Variants in DISP2 observed in about 807,000 individuals in gnomAD.
DISP2 encodes the protein dispatched RND transporter family member 2, also known as protein dispatched homolog 2.
A neutral mutation model predicts 95.5 loss-of-function variants in DISP2; 59 were observed. The observed-to-expected ratio is 0.62, with a 90% confidence interval of 0.50 to 0.77. The LOEUF (loss-of-function observed/expected upper bound fraction) is 0.77, where lower values mean the gene tolerates loss of function less well. Among genes scored for constraint, DISP2 ranks in the 30% least tolerant of loss-of-function variants. DISP2 has a pLI of 0.00. For missense variants in DISP2, 1,752 were observed against 1,854.6 expected, an observed-to-expected ratio of 0.94 and a Z score of 1.02; for synonymous variants, 827 against 815.0, an observed-to-expected ratio of 1.01 and a Z score of -0.25.
intron 4 of DISP2, 80 bp from the exon 5 acceptor site, chr15:40,364,758 C>T (rs1385771347): frequency 1.4e-6 from 2 of 1,463,822 alleles, no homozygotes; most frequent in East Asian, 4.7e-5. Context: ...TCTGAGGAGT[C>T]AAAGGGGCAG....
rs1164531610 is a variant in DISP2 at position 40,369,666 on chromosome 15, T to C, written c.3554T>C (p.Leu1185Pro). The change falls in exon 8 of 8, where the codon CTG becomes CCG. Residue 1185 changes from leucine (L) to proline (P), a missense_variant. Leu to Pro is a moderately conservative substitution (Grantham distance 98, BLOSUM62 -3). Transcript: ENST00000267889. ...GACACCAGCACAGCCACCAGCAAGC[T>C]GTCCCACCGGCCCTCAGTACTCTCT... is the stretch of plus-strand genomic sequence containing the variant. ...SFDTSTATSK[L>P]SHRPSVLSED... The C allele has an allele frequency of 1.2e-6, 2 of 1,612,090 alleles. No individual in the cohort carries two copies. The highest frequency in any genetic ancestry group is 2.2e-5 in the East Asian group (1 of 44,882).
At position 40,369,929 on chromosome 15, in the gene DISP2, G is replaced by A. The variant is rs1323647080; in HGVS notation, c.3817G>A (p.Ala1273Thr). 5.6e-6 allele frequency: 9 copies of A among 1,596,986 alleles called. 1 individual carries two copies. The South Asian group carries it at 1.0e-4, about 18-fold the overall frequency. The change falls in exon 8 of 8, where the codon GCC (alanine) becomes ACC (threonine). Residue 1273 changes from alanine to threonine, a missense_variant. Around this residue, in one of 5 missense-constraint regions of DISP2, gnomAD observed 347 missense variants for 344.2 expected, o/e 1.01. Coordinates refer to ENST00000267889, the MANE Select transcript of DISP2 (RefSeq NM_033510.3). Reference protein sequence around the residue: ...SPEAPAHSPKAKAADPPDGFC... With the variant: ...SPEAPAHSPKTKAADPPDGFC... Reference sequence around the variant, plus strand: ...AGAAGCCCCAGCCCACTCTCCTAAGGCCAAGGCTGCAGATCCTCCTGATGG... The same window carrying A: ...AGAAGCCCCAGCCCACTCTCCTAAGACCAAGGCTGCAGATCCTCCTGATGG...
chr15:40,364,571 T>G (rs966012604), intron 4 of DISP2, 27 bp downstream of exon 4: 6 of 1,608,128 alleles, frequency 3.7e-6, no homozygotes, highest in Non-Finnish European at 3.4e-6. Context: ...TGGGACGGGG[T>G]CCCCAGGCCT....
At chr15:40,364,112 G>T (rs1889453458) in intron 2 of DISP2, 114 bp from the exon 3 acceptor site, 1 of 1,544,078 alleles carries the variant, frequency 6.5e-7, no homozygotes, top group Non-Finnish European at 8.9e-7. Context: ...GCGCTAAAAG[G>T]GTTAATACCA....
intron 1 of DISP2, among the ~76,000 whole-genome samples, chr15:40,363,070 G>A (rs1000256871): frequency 3.3e-5 from 5 of 151,900 alleles, no homozygotes; most frequent in East Asian, 1.9e-4. Context: ...TTGGGAGGCC[G>A]AGGCAGGCGG....
At position 40,378,069 on chromosome 15, in the gene DISP2, A is replaced by G. The variant is rs1889755059; in HGVS notation, c.*7751A>G. ...CATTAACAGAAATCCAAAATTAACGAGCACCCAAAAATGTAAAATTCACAA... is the reference window on the plus strand; with the variant it reads ...CATTAACAGAAATCCAAAATTAACGGGCACCCAAAAATGTAAAATTCACAA... On this transcript the variant is annotated 3_prime_UTR_variant, in exon 8 of 8. Coordinates refer to ENST00000267889, the MANE Select transcript of DISP2 (RefSeq NM_033510.3). The G allele has an allele frequency of 6.6e-6, 1 of 152,246 alleles. No homozygotes were observed. The highest frequency in any genetic ancestry group is 1.5e-5 in the Non-Finnish European group (1 of 68,050). The allele number at this position is 152,246 out of a possible 1,614,324, so 9.4% of individuals were successfully genotyped here.
In DISP2 at chr15:40,371,463, C is replaced by T. The variant is rs912042231; in HGVS notation, c.*1145C>T. 1 of 152,316 alleles carries T rather than the reference C, an allele frequency of 6.6e-6. No individual in the cohort carries two copies. The highest frequency in any genetic ancestry group is 2.4e-5 in the African/African-American group (1 of 41,466). The allele number at this position is 152,316 out of a possible 1,614,324, so 9.4% of individuals were successfully genotyped here. ...CGTCCTAGCTGACCTGATTCCCAGGCTTCAGGACCGTGCCTCTTCTACAGC... is the reference window on the plus strand; with the variant it reads ...CGTCCTAGCTGACCTGATTCCCAGGTTTCAGGACCGTGCCTCTTCTACAGC... On this transcript the variant is annotated 3_prime_UTR_variant, in exon 8 of 8. Coordinates refer to ENST00000267889, the MANE Select transcript of DISP2 (RefSeq NM_033510.3).
At chr15:40,360,691 T>C (rs976869594) in intron 1 of DISP2, among the ~76,000 whole-genome samples, 1 of 152,134 alleles carries the variant, frequency 6.6e-6, no homozygotes, top group Non-Finnish European at 1.5e-5. Flanking sequence ...TTCTCCCGTA[T>C]CCTCTGGAAT....
At position 40,370,636 on chromosome 15, in the gene DISP2, A is replaced by G. The variant is rs1195998171; in HGVS notation, c.*318A>G. On this transcript the variant is annotated 3_prime_UTR_variant, in exon 8 of 8. Transcript: ENST00000267889. Reference sequence around the variant, plus strand: ...GGCCAGATGTGTAGCTTCGGGTATCAGAGGAGGCTGACCTGGCCCCCATCC... The same window carrying G: ...GGCCAGATGTGTAGCTTCGGGTATCGGAGGAGGCTGACCTGGCCCCCATCC... 3.6e-6 allele frequency: 2 copies of G among 561,000 alleles called. No homozygotes were observed. Among genetic ancestry groups the G allele is most frequent in the Admixed American group, 2.2e-5 (1 of 45,446 alleles). 34.8% of individuals were successfully genotyped at this position (561,000 alleles called of 1,614,324 possible). A position where few individuals can be genotyped will look rare whatever the true frequency, so the allele number is the denominator to read the frequency against.
In DISP2 at chr15:40,364,404, T is replaced by C. The variant is rs1182516469; in HGVS notation, c.480-17T>C. On this transcript the variant is annotated splice_polypyrimidine_tract_variant and intron_variant, in intron 3 of 7. Coordinates refer to ENST00000267889, the MANE Select transcript of DISP2 (RefSeq NM_033510.3). ...GCTACCACACCCAACTCATGTGGAC[T>C]CCTCCCTCTTTCCCAGCTATTCCCA... 6.2e-7 allele frequency: 1 copy of C among 1,613,610 alleles called. No homozygotes were observed. The highest frequency in any genetic ancestry group is 1.7e-5 in the Admixed American group (1 of 60,030).
rs199950273 is a variant in DISP2 at position 40,369,971 on chromosome 15, A to G, written c.3859A>G (p.Ser1287Gly). Residue 1287 changes from serine (S) to glycine (G), a missense_variant, in exon 8 of 8, where the codon AGC (serine) becomes GGC (glycine). Physicochemically the swap from Ser to Gly is moderately conservative, Grantham distance 56. Coordinates refer to ENST00000267889, the MANE Select transcript of DISP2 (RefSeq NM_033510.3). The stretch of plus-strand genomic sequence containing the variant: ...TCCTGATGGCTTCTGTTCCTCAGCC[A>G]GCACCCTGGAGGGGCTCAGCGTCTC... Reference protein sequence around the residue: ...DPPDGFCSSASTLEGLSVSDE... With the variant: ...DPPDGFCSSAGTLEGLSVSDE... 2.0e-5 allele frequency: 33 copies of G among 1,612,486 alleles called. No homozygotes were observed. Among genetic ancestry groups the G allele is most frequent in the Non-Finnish European group, 6.8e-6 (8 of 1,179,372 alleles).
Position 40,368,845 on chromosome 15 carries a change from C to A in DISP2, c.2733C>A (p.Phe911Leu). 6.2e-7 allele frequency: 1 copy of A among 1,614,028 alleles called. No homozygotes were observed. The highest frequency in any genetic ancestry group is 8.5e-7 in the Non-Finnish European group (1 of 1,180,052). Residue 911 changes from phenylalanine to leucine, a missense_variant, in exon 8 of 8, where the codon TTC becomes TTA. Transcript: ENST00000267889. ...AALVLQFQTNFRNSPDYNQTQ... is the reference protein window; with the variant it reads ...AALVLQFQTNLRNSPDYNQTQ... ...TGGTCCTACAATTCCAGACCAACTT[C>A]CGGAACAGTCCGGACTACAACCAGA...
Position 40,374,454 on chromosome 15 carries a change from C to G in DISP2, c.*4136C>G, listed in dbSNP as rs1889700724. ...CGAGACAATTTTTAAAAAGACATTT[C>G]TCAAGAGAGTTATAAGCCAAAATTT... is the stretch of plus-strand genomic sequence containing the variant. On this transcript the variant is annotated 3_prime_UTR_variant, in exon 8 of 8. Coordinates refer to ENST00000267889, the MANE Select transcript of DISP2 (RefSeq NM_033510.3). The G allele has an allele frequency of 6.6e-6, 1 of 151,042 alleles. No individual in the cohort carries two copies. 9.4% of individuals were successfully genotyped at this position (151,042 alleles called of 1,614,324 possible).
intron 1 of DISP2, among the ~76,000 whole-genome samples, chr15:40,359,685 A>C (rs1481689637): frequency 6.6e-6 from 1 of 152,248 alleles, no homozygotes; most frequent in African/African-American, 2.4e-5. Flanking sequence ...GCTCTCTTCC[A>C]GAAACTCCCT....
chr15:40,369,439 T>A lies in DISP2; in HGVS notation c.3327T>A (p.Ser1109=). ...GCTTTGCCAGCTTCTTCTTCCAATCTCTCTGCTGTTTCTTCGGGCCAGAGA... is the reference window on the plus strand; with the variant it reads ...GCTTTGCCAGCTTCTTCTTCCAATCACTCTGCTGTTTCTTCGGGCCAGAGA... ...SCGFASFFFQ[S]LCCFFGPEKN... Residue 1109 remains serine (S), a synonymous_variant, in exon 8 of 8, where the codon TCT becomes TCA. Transcript: ENST00000267889. The A allele has an allele frequency of 6.2e-7, 1 of 1,613,376 alleles. No individual in the cohort carries two copies. The highest frequency in any genetic ancestry group is 8.5e-7 in the Non-Finnish European group (1 of 1,179,998).
In DISP2 at chr15:40,368,170, C is replaced by T; in HGVS notation, c.2058C>T (p.Thr686=). ...LRGLRRAAAG[T]SRLLFQRLLP... is the part of the protein sequence containing the mutation. Reference sequence around the variant, plus strand: ...GCCTGCGGAGGGCGGCGGCTGGCACCTCGCGTCTGCTCTTCCAGCGCCTGC... The same window carrying T: ...GCCTGCGGAGGGCGGCGGCTGGCACTTCGCGTCTGCTCTTCCAGCGCCTGC... Residue 686 remains threonine, a synonymous_variant, in exon 8 of 8, where the codon ACC becomes ACT. Coordinates refer to ENST00000267889, the MANE Select transcript of DISP2 (RefSeq NM_033510.3). 3.8e-6 allele frequency: 6 copies of T among 1,575,914 alleles called. No individual in the cohort carries two copies. Among genetic ancestry groups the T allele is most frequent in the Non-Finnish European group, 5.1e-6 (6 of 1,166,960 alleles).
intron 4 of DISP2, 76 bp from the exon 5 acceptor site, chr15:40,364,762 G>C (rs750849408): frequency 2.2e-5 from 32 of 1,472,676 alleles, no homozygotes; most frequent in Admixed American, 2.0e-4. Context: ...AGGAGTCAAA[G>C]GGGCAGAGCT....
At chr15:40,362,372 C>T (rs1889419095) in intron 1 of DISP2, among the ~76,000 whole-genome samples, 1 of 152,220 alleles carries the variant, frequency 6.6e-6, no homozygotes, top group Non-Finnish European at 1.5e-5. Context: ...GTTAACACCT[C>T]CCAACTACTG....
Position 40,368,215 on chromosome 15 carries a change from G to A in DISP2, c.2103G>A (p.Lys701=). 2 of 1,610,158 alleles carry A rather than the reference G, an allele frequency of 1.2e-6. No homozygotes were observed. The highest frequency in any genetic ancestry group is 8.5e-7 in the Non-Finnish European group (1 of 1,179,106). ...FQRLLPCGVI[K]FRYIWICWFA... is the part of the protein sequence containing the mutation. Reference sequence around the variant, plus strand: ...GCCTGCTGCCCTGCGGCGTCATCAAGTTCCGCTACATCTGGATCTGCTGGT... The same window carrying A: ...GCCTGCTGCCCTGCGGCGTCATCAAATTCCGCTACATCTGGATCTGCTGGT... Residue 701 remains lysine, a synonymous_variant, in exon 8 of 8, where the codon AAG becomes AAA. Transcript: ENST00000267889.
Sources: gnomAD v4.1 joint callset for allele counts (sites outside exome capture counted in the v4.1 genomes callset) on GRCh38, gnomAD v4.1.1 for gene constraint, gnomAD v4.1.1 regional missense constraint, MANE v1.5 for transcripts, NCBI Gene and HGNC (gene_info 2026-07-23, HGNC 2026-07-21) for gene names.